The following LLGL2 variants were observed in gnomAD, a reference collection of about 807,000 sequenced individuals.
LLGL2 encodes LLGL2, scribble cell polarity complex component.
In LLGL2, 81 loss-of-function variants were observed where a neutral mutation model predicts 123.2. The ratio of observed to expected loss-of-function variants is 0.66; its 90% CI spans 0.55 to 0.79. The LOEUF is 0.79. LLGL2 is among the 30% of genes least tolerant of loss of function. LLGL2 has a pLI of 0.00. For synonymous variants in LLGL2, 577 were observed against 594.1 expected, an observed-to-expected ratio of 0.97 and a Z score of 0.42; for missense variants, 1,273 against 1,414.6, an observed-to-expected ratio of 0.90 and a Z score of 1.61.
intron 2 of LLGL2, among the ~76,000 whole-genome samples, chr17:75,551,488 TG>T (rs534065909): frequency 4.3e-4 from 21 of 49,232 alleles, no homozygotes; most frequent in African/African-American, 7.9e-4. Flanking sequence ...AAGGTGGGGA[TG>T]GGGGGGAGGG....
chr17:75,572,970 A>G (rs376105932), intron 19 of LLGL2, 44 bp from the exon 20 acceptor site: 41 of 1,562,414 alleles, frequency 2.6e-5, no homozygotes, highest in Non-Finnish European at 3.5e-5. Context: ...AGGGCAGGAG[A>G]ACTGGTTTGG....
chr17:75,557,996 C>A, intron 3 of LLGL2, 159 bp from the exon 4 acceptor site: 1 of 771,428 alleles, frequency 1.3e-6, no homozygotes, highest in Non-Finnish European at 2.3e-6. Flanking sequence ...TGCTGTGTCT[C>A]CTCCCCACCC....
chr17:75,550,905 G>A (rs930690727), intron 2 of LLGL2, among the ~76,000 whole-genome samples: 2 of 151,966 alleles, frequency 1.3e-5, no homozygotes, highest in African/African-American at 2.4e-5. Context: ...TAGGCCCTGG[G>A]TTTCTAGCTT....
intron 1 of LLGL2, among the ~76,000 whole-genome samples, chr17:75,540,739 A>G (rs2054175680): frequency 6.6e-6 from 1 of 152,124 alleles, no homozygotes; most frequent in South Asian, 2.1e-4. Context: ...TGACCTTGAC[A>G]GGGTGTTTTG....
Position 75,558,083 on chromosome 17 carries a change from C to G in LLGL2, c.174-72C>G, listed in dbSNP as rs546234790. Reference sequence around the variant, plus strand: ...TGTTTGCATCATTGCACATGGGCCCCGAGGGCCTGGCACTCAAGGCAGGCA... The same window carrying G: ...TGTTTGCATCATTGCACATGGGCCCGGAGGGCCTGGCACTCAAGGCAGGCA... On this transcript the variant is annotated intron_variant, in intron 3 of 25. Coordinates refer to ENST00000392550, the MANE Select transcript of LLGL2 (RefSeq NM_001031803.2). The surrounding 1 kb of genome is among the most constrained non-coding windows in gnomAD (Gnocchi z 4.0). The G allele has an allele frequency of 3.5e-6, 5 of 1,437,846 alleles. No homozygotes were observed. Among genetic ancestry groups the G allele is most frequent in the East Asian group, 2.3e-5 (1 of 43,984 alleles). 89.1% of individuals were successfully genotyped at this position (1,437,846 alleles called of 1,614,324 possible). A position where few individuals can be genotyped will look rare whatever the true frequency, so the allele number is the denominator to read the frequency against.
intron 16 of LLGL2, 62 bp downstream of exon 16, chr17:75,570,560 A>C: frequency 6.6e-7 from 1 of 1,526,262 alleles, no homozygotes; most frequent in Non-Finnish European, 8.8e-7. Context: ...AGCAGCCAGC[A>C]GGGGGGCCAC....
At chr17:75,528,739 A>AAAAC (rs78153446) in intron 1 of LLGL2, among the ~76,000 whole-genome samples, 31 of 151,578 alleles carry the variant, frequency 2.0e-4, no homozygotes, top group Admixed American at 3.9e-4. Context: ...ACTCCATCTC[A>AAAAC]AAACAAACAA....
At chr17:75,537,180 C>T (rs2054035202) in intron 1 of LLGL2, among the ~76,000 whole-genome samples, 1 of 152,180 alleles carries the variant, frequency 6.6e-6, no homozygotes, top group Non-Finnish European at 1.5e-5. Flanking sequence ...ACACTTCACC[C>T]ATCCCCTGTT....
intron 6 of LLGL2, among the ~76,000 whole-genome samples, chr17:75,561,861 G>A (rs535755722): frequency 6.6e-6 from 1 of 152,166 alleles, no homozygotes; most frequent in East Asian, 1.9e-4. Context: ...GGTGGAGGTT[G>A]TGGTGAGCCG....
At chr17:75,569,801 C>CAAA (rs567857752) in intron 14 of LLGL2, among the ~76,000 whole-genome samples, 162 bp from the exon 15 acceptor site, 1 of 130,612 alleles carries the variant, frequency 7.7e-6, no homozygotes. Context: ...AGACTTGTCT[C>CAAA]AAAAAAAAAA....
chr17:75,574,037 G>T, intron 22 of LLGL2, 57 bp downstream of exon 22: 2 of 1,550,386 alleles, frequency 1.3e-6, no homozygotes, highest in Non-Finnish European at 1.7e-6. Context: ...CCAGACCTGG[G>T]GCTGGACGGG....
chr17:75,559,415 G>A lies in LLGL2; in HGVS notation c.530+5G>A. ...CTCGGACGCGGTGCTGCAGCGGTGA[G>A]CCCAGAGCCCAGCTGCTGTTAACTC... On this transcript the variant is annotated splice_donor_5th_base_variant and intron_variant, in intron 6 of 25. Transcript: ENST00000392550. The surrounding 1 kb of genome is among the most constrained non-coding windows in gnomAD (Gnocchi z 4.6). The A allele has an allele frequency of 6.3e-7, 1 of 1,596,710 alleles. No individual in the cohort carries two copies. Among genetic ancestry groups the A allele is most frequent in the Non-Finnish European group, 8.5e-7 (1 of 1,172,396 alleles).
rs138051975 is a variant in LLGL2, at chr17:75,527,405, T to C, written c.-31+1580T>C. ...TCTGAAGTTAGACTGGGCCCATCTT[T>C]GTGGGGGCTCCTGGACAGGGTTTCC... On this transcript the variant is annotated intron_variant, in intron 1 of 25. Transcript: ENST00000392550. 5.1e-3 allele frequency among the ~76,000 whole-genome samples: 776 copies of C among 152,202 alleles called. 8 individuals are homozygous for C. Among genetic ancestry groups the C allele is most frequent in the African/African-American group, 0.017 (723 of 41,516 alleles).
intron 1 of LLGL2, 121 bp from the exon 2 acceptor site, chr17:75,543,276 T>C: frequency 1.6e-6 from 1 of 614,526 alleles, no homozygotes; most frequent in East Asian, 3.0e-5. Flanking sequence ...GAAGCTGGCC[T>C]GGCCCCGGGG....
At chr17:75,560,432 G>A (rs913274538) in intron 6 of LLGL2, among the ~76,000 whole-genome samples, 2 of 151,964 alleles carry the variant, frequency 1.3e-5, no homozygotes, top group Admixed American at 6.6e-5. Flanking sequence ...TCGGCGGGGG[G>A]GCCCAAGTGC....
intron 21 of LLGL2, 38 bp downstream of exon 21, chr17:75,573,669 G>T (rs113492706): frequency 1.0e-6 from 1 of 954,314 alleles, no homozygotes. Context: ...CGCCCCTCCC[G>T]CCCCTCCCTG....
Position 75,564,407 on chromosome 17 carries a change from C to A in LLGL2, c.936C>A (p.Arg312=), listed in dbSNP as rs763348168. 1 of 1,613,294 alleles carries A rather than the reference C, an allele frequency of 6.2e-7. No individual in the cohort carries two copies. Among genetic ancestry groups the A allele is most frequent in the Non-Finnish European group, 8.5e-7 (1 of 1,179,998 alleles). The change falls in exon 10 of 26, where the codon CGC becomes CGA. Residue 312 remains arginine (R), a synonymous_variant. Coordinates refer to ENST00000392550, the MANE Select transcript of LLGL2 (RefSeq NM_001031803.2). This position sits in a 1 kb window ranked among gnomAD's most constrained non-coding sequence, Gnocchi z 4.9. ...GGMPRASYGD[R]HCISVIHDGQ... ...TGCCACGGGCCAGCTACGGGGACCG[C>A]CACTGCATCTCAGTGATCCACGATG...
rs1022169011 is a variant in LLGL2, at chr17:75,569,367, TCGATGAC to T, written c.1581+43_1581+49del. 6 of 1,515,380 alleles carry T rather than the reference TCGATGAC, an allele frequency of 4.0e-6. No homozygotes were observed. The African/African-American group carries it at 8.2e-5, about 21-fold the overall frequency. The allele number at this position is 1,515,380 out of a possible 1,614,324, so 93.9% of individuals were successfully genotyped here. ...GGGAGGGGGAGCTGGGGAGGAGTGG[TCGATGAC>T]TGGGGACAGCAGGGACAGGAGCCAA... On this transcript the variant is annotated intron_variant, in intron 14 of 25. Transcript: ENST00000392550.
chr17:75,535,086 G>A (rs993171637), intron 1 of LLGL2, among the ~76,000 whole-genome samples: 1 of 152,228 alleles, frequency 6.6e-6, no homozygotes, highest in Non-Finnish European at 1.5e-5. Context: ...GGGCTTCCCA[G>A]GGCGACATGG....
Sources: gnomAD v4.1 joint callset for allele counts (sites outside exome capture counted in the v4.1 genomes callset) on GRCh38, gnomAD v4.1.1 for gene constraint, Gnocchi (gnomAD v3.1) non-coding constraint, MANE v1.5 for transcripts, NCBI Gene and HGNC (gene_info 2026-07-23, HGNC 2026-07-21) for gene names.